Variants in GRIN2A observed in about 807,000 individuals in gnomAD.
GRIN2A encodes glutamate receptor ionotropic, NMDA 2A.
GRIN2A carries 22 observed loss-of-function variants against 113.4 expected under a neutral mutation model. The observed-to-expected ratio is 0.19, with a 90% CI of 0.14 to 0.28. GRIN2A has a LOEUF of 0.28. GRIN2A is among the 10% of genes least tolerant of loss of function. The probability of loss-of-function intolerance (pLI) is 1.00; values close to 1 mark genes in which losing one functional copy is unlikely to be tolerated. For synonymous variants in GRIN2A, 827 were observed against 738.4 expected (o/e 1.12, Z -1.94); for missense variants, 1,502 against 1,887.0 (o/e 0.80, Z 3.78).
At chr16:9,938,587 C>T (rs766758845) in intron 2 of GRIN2A, 36 bp from the exon 3 acceptor site, 1 of 1,505,352 alleles carries the variant, frequency 6.6e-7, no homozygotes, top group Non-Finnish European at 9.1e-7. Context: ...GAGGATGAGG[C>T]AGGAGGTGGT....
At chr16:10,112,069 G>T in intron 2 of GRIN2A, 2 of 611,426 alleles carry the variant, frequency 3.3e-6, no homozygotes, top group Non-Finnish European at 6.0e-6. Context: ...AAGAAGAATC[G>T]AGACTACATT....
intron 11 of GRIN2A, chr16:9,769,318 GAATAT>G: frequency 7.0e-6 from 2 of 286,798 alleles, no homozygotes; most frequent in South Asian, 9.9e-5. Flanking sequence ...TAAAAATAGA[GAATAT>G]AATATATATA....
rs376302367 is a variant in GRIN2A at position 10,180,792 on chromosome 16, C to G, written c.-18-363G>C. 209 of 403,728 alleles carry G rather than the reference C, an allele frequency of 5.2e-4. 1 individual carries two copies. Among genetic ancestry groups the G allele is most frequent in the African/African-American group, 3.4e-3 (168 of 49,246 alleles). 25.0% of individuals were successfully genotyped at this position (403,728 alleles called of 1,614,324 possible). A position where few individuals can be genotyped will look rare whatever the true frequency, so the allele number is the denominator to read the frequency against. On this transcript the variant is annotated intron_variant, in intron 1 of 12. Transcript: ENST00000330684. This position sits in a 1 kb window ranked among gnomAD's most constrained non-coding sequence, Gnocchi z 7.0. Reference sequence around the variant, plus strand: ...GCGCCGCGCGTGTTCTGTACCCCACCAAGCTCCTAGGTGCACAGAATAAAC... The same window carrying G: ...GCGCCGCGCGTGTTCTGTACCCCACGAAGCTCCTAGGTGCACAGAATAAAC...
intron 2 of GRIN2A, among the ~76,000 whole-genome samples, chr16:9,983,075 T>C (rs910584559): frequency 1.3e-5 from 2 of 152,200 alleles, no homozygotes; most frequent in Non-Finnish European, 2.9e-5. Context: ...GGCAAGGTAA[T>C]TAGCTTATCC....
chr16:10,001,647 G>A (rs1201217905), intron 2 of GRIN2A, among the ~76,000 whole-genome samples: 5 of 152,082 alleles, frequency 3.3e-5, no homozygotes, highest in African/African-American at 1.2e-4. Context: ...CCATCTCATC[G>A]TTCTTAACTA....
At chr16:9,888,599 A>T (rs2043631889) in intron 4 of GRIN2A, among the ~76,000 whole-genome samples, 1 of 151,872 alleles carries the variant, frequency 6.6e-6, no homozygotes, top group Non-Finnish European at 1.5e-5. Flanking sequence ...ATCTATTTTC[A>T]TTATTTCATC....
intron 2 of GRIN2A, among the ~76,000 whole-genome samples, chr16:10,110,132 G>A (rs1415913972): frequency 1.5e-5 from 2 of 131,388 alleles, no homozygotes; most frequent in African/African-American, 2.9e-5. Context: ...TAAATAAAAA[G>A]AATTTTAAAT....
At chr16:9,896,966 C>A (rs1033592992) in intron 3 of GRIN2A, among the ~76,000 whole-genome samples, 5 of 152,144 alleles carry the variant, frequency 3.3e-5, no homozygotes, top group African/African-American at 9.7e-5. Context: ...CAAAATTGAT[C>A]ATAAAGCTTT....
Position 10,099,850 on chromosome 16 carries a change from G to A in GRIN2A, c.414+80148C>T, listed in dbSNP as rs139854986. Reference sequence around the variant, plus strand: ...CAGTACTGAAACGTCTGCTCATTCCGTGAAGTTCCTGAGGTGCCGAGTGCT... The same window carrying A: ...CAGTACTGAAACGTCTGCTCATTCCATGAAGTTCCTGAGGTGCCGAGTGCT... On this transcript the variant is annotated intron_variant, in intron 2 of 12. Coordinates refer to ENST00000330684, the MANE Select transcript of GRIN2A (RefSeq NM_001134407.3). Among the ~76,000 whole-genome samples the A allele has an allele frequency of 1.2e-4, 19 of 152,244 alleles. No homozygotes were observed. In the East Asian group the frequency reaches 2.3e-3, roughly 19 times the overall value.
intron 2 of GRIN2A, among the ~76,000 whole-genome samples, chr16:10,107,468 G>T (rs184664029): frequency 6.6e-6 from 1 of 152,298 alleles, no homozygotes; most frequent in East Asian, 1.9e-4. Context: ...ACAGGATCCT[G>T]CTGGCTCTGT....
intron 2 of GRIN2A, among the ~76,000 whole-genome samples, chr16:10,135,999 C>T (rs906843062): frequency 4.6e-5 from 7 of 152,206 alleles, no homozygotes; most frequent in Admixed American, 3.9e-4. Context: ...CAGCTTCTCA[C>T]GCATTCCTCT....
At chr16:9,791,795 A>G (rs1285574435) in intron 11 of GRIN2A, among the ~76,000 whole-genome samples, 1 of 152,066 alleles carries the variant, frequency 6.6e-6, no homozygotes, top group African/African-American at 2.4e-5. Flanking sequence ...GGAAGATACA[A>G]GGCCAACAAA....
chr16:9,840,452 C>G (rs878863940), intron 7 of GRIN2A, among the ~76,000 whole-genome samples, 195 bp downstream of exon 7: 3 of 152,072 alleles, frequency 2.0e-5, no homozygotes, highest in Non-Finnish European at 4.4e-5. Flanking sequence ...CTGGGGATTA[C>G]AATTCAAGAT....
intron 2 of GRIN2A, among the ~76,000 whole-genome samples, chr16:10,089,998 T>C (rs578166199): frequency 6.6e-6 from 1 of 152,130 alleles, no homozygotes; most frequent in African/African-American, 2.4e-5. Context: ...TCCCAAGACA[T>C]AGATGATACC....
intron 2 of GRIN2A, among the ~76,000 whole-genome samples, chr16:9,969,699 G>A (rs187594049): frequency 4.8e-4 from 73 of 152,304 alleles, no homozygotes; most frequent in Non-Finnish European, 8.8e-4. Flanking sequence ...GGGATATTTC[G>A]CTATGCCTGG....
At chr16:9,778,785 C>T (rs1901762775) in intron 11 of GRIN2A, among the ~76,000 whole-genome samples, 2 of 152,338 alleles carry the variant, frequency 1.3e-5, no homozygotes, top group Non-Finnish European at 1.5e-5. Context: ...GATGCCCTTG[C>T]AGCTCTTGTC....
intron 2 of GRIN2A, among the ~76,000 whole-genome samples, chr16:10,049,062 C>T (rs2047309390): frequency 6.6e-6 from 1 of 152,070 alleles, no homozygotes; most frequent in African/African-American, 2.4e-5. Flanking sequence ...GGAGGAAAAT[C>T]TATAACAGTA....
At chr16:10,119,892 T>C (rs552023971) in intron 2 of GRIN2A, among the ~76,000 whole-genome samples, 17 of 152,296 alleles carry the variant, frequency 1.1e-4, no homozygotes, top group Middle Eastern at 6.8e-3. Context: ...GCTCCATCCA[T>C]GTTGCTGCAA....
chr16:9,800,184 A>T (rs1055626442), intron 10 of GRIN2A, among the ~76,000 whole-genome samples: 1 of 152,174 alleles, frequency 6.6e-6, no homozygotes, highest in Non-Finnish European at 1.5e-5. Flanking sequence ...CAGGTTGGTC[A>T]GGCTGGTCTT....
Sources: allele counts gnomAD v4.1 joint callset (sites outside exome capture counted in the v4.1 genomes callset), GRCh38; gene constraint gnomAD v4.1.1; non-coding constraint Gnocchi (gnomAD v3.1); transcripts MANE v1.5; gene names NCBI Gene and HGNC (gene_info 2026-07-23, HGNC 2026-07-21).